Variants in PITPNM3 observed in about 807,000 individuals in gnomAD.
The protein encoded by PITPNM3 is membrane-associated phosphatidylinositol transfer protein 3.
Under a neutral mutation model 102.0 loss-of-function variants are expected in PITPNM3, and 26 were observed. The observed-to-expected ratio is 0.25, with a 90% CI of 0.19 to 0.35. PITPNM3 has a LOEUF of 0.35. PITPNM3 is among the 10% of genes least tolerant of loss of function. The probability of loss-of-function intolerance (pLI) is 1.00; values close to 1 mark genes in which losing one functional copy is unlikely to be tolerated. For synonymous variants in PITPNM3, 578 were observed against 558.6 expected (o/e 1.03, Z -0.49); for missense variants, 1,083 against 1,346.1 (o/e 0.80, Z 3.06).
At chr17:6,518,615 A>G (rs1025939166) in intron 3 of PITPNM3, among the ~76,000 whole-genome samples, 2 of 152,238 alleles carry the variant, frequency 1.3e-5, no homozygotes, top group African/African-American at 4.8e-5. Context: ...AATAAAAGCA[A>G]TGTTAATTTA....
intron 1 of PITPNM3, 113 bp from the exon 2 acceptor site, chr17:6,538,195 C>T (rs1909548760): frequency 1.3e-6 from 1 of 772,966 alleles, no homozygotes; most frequent in Admixed American, 2.0e-5. Context: ...ACATCTGTGC[C>T]CTCTCCCTCC....
chr17:6,506,782 G>C (rs1024627715), intron 3 of PITPNM3, among the ~76,000 whole-genome samples: 1 of 152,130 alleles, frequency 6.6e-6, no homozygotes, highest in Admixed American at 6.5e-5. Context: ...GTACACACAG[G>C]CTCCACCAGC....
chr17:6,538,392 G>A (rs894941290), intron 1 of PITPNM3, among the ~76,000 whole-genome samples: 2 of 152,034 alleles, frequency 1.3e-5, no homozygotes, highest in South Asian at 2.1e-4. Context: ...CAGCACAGGG[G>A]AAGCTCTGCT....
intron 1 of PITPNM3, among the ~76,000 whole-genome samples, chr17:6,541,521 G>T (rs1909732259): frequency 6.6e-6 from 1 of 152,094 alleles, no homozygotes; most frequent in South Asian, 2.1e-4. Context: ...GGTAGGGTAG[G>T]ACCTGTCATG....
chr17:6,467,528 T>A (rs1904846769), intron 14 of PITPNM3, among the ~76,000 whole-genome samples: 1 of 152,218 alleles, frequency 6.6e-6, no homozygotes, highest in South Asian at 2.1e-4. Context: ...TAAATATGTT[T>A]ACCAAAAAAG....
At chr17:6,484,106 G>A in intron 5 of PITPNM3, 110 bp downstream of exon 5, 1 of 1,240,914 alleles carries the variant, frequency 8.1e-7, no homozygotes, top group Non-Finnish European at 1.2e-6. Flanking sequence ...GGGTCACACA[G>A]CAAGTCAGAC....
chr17:6,497,652 C>T (rs958912748), intron 4 of PITPNM3, among the ~76,000 whole-genome samples: 2 of 152,208 alleles, frequency 1.3e-5, no homozygotes, highest in Admixed American at 1.3e-4. Flanking sequence ...CCTCCCCGCA[C>T]GTGGGACAGC....
In PITPNM3 at chr17:6,452,135, T is replaced by G. The variant is rs1913875922; in HGVS notation, c.*3203A>C. On this transcript the variant is annotated 3_prime_UTR_variant, in exon 20 of 20. Coordinates refer to ENST00000262483, the MANE Select transcript of PITPNM3 (RefSeq NM_031220.4). ...CTGGAATACTGGGATTCAAACACAT[T>G]TGTTTGCTGTAGCCCAGCACCCAGA... 1 of 152,190 alleles carries G rather than the reference T, an allele frequency of 6.6e-6. No individual in the cohort carries two copies. Among genetic ancestry groups the G allele is most frequent in the South Asian group, 2.1e-4 (1 of 4,830 alleles). 9.4% of individuals were successfully genotyped at this position (152,190 alleles called of 1,614,324 possible). A position where few individuals can be genotyped will look rare whatever the true frequency, so the allele number is the denominator to read the frequency against.
At chr17:6,494,363 C>T (rs1015098278) in intron 4 of PITPNM3, among the ~76,000 whole-genome samples, 2 of 152,284 alleles carry the variant, frequency 1.3e-5, no homozygotes, top group Admixed American at 1.3e-4. Context: ...AGAGGCTACT[C>T]ATAGCAGGAA....
intron 2 of PITPNM3, among the ~76,000 whole-genome samples, chr17:6,536,190 G>A (rs964641343): frequency 2.6e-5 from 4 of 152,178 alleles, no homozygotes; most frequent in African/African-American, 9.6e-5. Flanking sequence ...GAGATGGGAG[G>A]GAGAGGACAG....
At position 6,556,490 on chromosome 17, in the gene PITPNM3, G is replaced by T; in HGVS notation, c.-84C>A. 1.1e-6 allele frequency: 1 copy of T among 951,886 alleles called. No individual in the cohort carries two copies. Among genetic ancestry groups the T allele is most frequent in the Non-Finnish European group, 1.3e-6 (1 of 790,424 alleles). 59.0% of individuals were successfully genotyped at this position (951,886 alleles called of 1,614,324 possible). A position where few individuals can be genotyped will look rare whatever the true frequency, so the allele number is the denominator to read the frequency against. Reference sequence around the variant, plus strand: ...CCCCGACCGCCTCCGGCCCCGAACGGACTCCGAGCGCCGCGCCCGCGCCCC... The same window carrying T: ...CCCCGACCGCCTCCGGCCCCGAACGTACTCCGAGCGCCGCGCCCGCGCCCC... On this transcript the variant is annotated 5_prime_UTR_variant, in exon 1 of 20. Transcript: ENST00000262483. This position sits in a 1 kb window ranked among gnomAD's most constrained non-coding sequence, Gnocchi z 5.2.
chr17:6,546,861 C>T (rs1364921238), intron 1 of PITPNM3, among the ~76,000 whole-genome samples: 1 of 152,090 alleles, frequency 6.6e-6, no homozygotes, highest in Non-Finnish European at 1.5e-5. Context: ...CAAAAATTAG[C>T]CAGGCATGGT....
intron 3 of PITPNM3, among the ~76,000 whole-genome samples, chr17:6,512,470 T>C (rs1019859558): frequency 2.0e-5 from 3 of 152,334 alleles, no homozygotes; most frequent in East Asian, 1.9e-4. Context: ...TGGTCATTAG[T>C]GGCTCTCAAA....
At chr17:6,506,393 G>A (rs1327677474) in intron 3 of PITPNM3, among the ~76,000 whole-genome samples, 1 of 86,150 alleles carries the variant, frequency 1.2e-5, no homozygotes, top group South Asian at 3.6e-4. Flanking sequence ...TTTTTTTTTT[G>A]ACAGAGTCTC....
chr17:6,555,706 G>C (rs1451330765), intron 1 of PITPNM3, among the ~76,000 whole-genome samples: 1 of 152,232 alleles, frequency 6.6e-6, no homozygotes, highest in Non-Finnish European at 1.5e-5. Context: ...TGAACGTCGG[G>C]CTGGATGAAT....
intron 2 of PITPNM3, among the ~76,000 whole-genome samples, chr17:6,529,709 C>A (rs532740120): frequency 6.6e-6 from 1 of 152,322 alleles, no homozygotes; most frequent in East Asian, 1.9e-4. Flanking sequence ...ATCATCAGGC[C>A]CACAACATGG....
At chr17:6,493,638 C>T (rs1241000084) in intron 4 of PITPNM3, among the ~76,000 whole-genome samples, 11 of 152,150 alleles carry the variant, frequency 7.2e-5, no homozygotes, top group Non-Finnish European at 1.0e-4. Context: ...GGCTGAGGTC[C>T]CTCCATGACT....
At chr17:6,489,046 G>C (rs577066332) in intron 4 of PITPNM3, among the ~76,000 whole-genome samples, 2 of 152,310 alleles carry the variant, frequency 1.3e-5, no homozygotes, top group East Asian at 3.9e-4. Context: ...CTTGATGCCT[G>C]AAGAATGGAG....
rs993618538 is a variant in PITPNM3, at chr17:6,478,945, G to C, written c.588-209C>G. The C allele has an allele frequency of 6.7e-6, 4 of 601,216 alleles. No individual in the cohort carries two copies. In the African/African-American group the frequency reaches 7.4e-5, roughly 11 times the overall value. 37.2% of individuals were successfully genotyped at this position (601,216 alleles called of 1,614,324 possible). On this transcript the variant is annotated intron_variant, in intron 6 of 19. Transcript: ENST00000262483. The surrounding 1 kb of genome is among the most constrained non-coding windows in gnomAD (Gnocchi z 4.4). ...GGATTCAAGCCTACACTGACTCCCT[G>C]TGTGTCCTTCCCGTGCTGGCCATGG...
Sources: gnomAD v4.1 joint callset for allele counts (sites outside exome capture counted in the v4.1 genomes callset) on GRCh38, gnomAD v4.1.1 for gene constraint, Gnocchi (gnomAD v3.1) non-coding constraint, MANE v1.5 for transcripts, NCBI Gene and HGNC (gene_info 2026-07-23, HGNC 2026-07-21) for gene names.